SNX25: variants seen among roughly 807,000 people sequenced by gnomAD.
The protein encoded by SNX25 is sorting nexin-25.
SNX25 carries 62 observed loss-of-function variants against 113.7 expected under a neutral mutation model. That is an observed-to-expected ratio of 0.55 (90% CI 0.44 to 0.67). SNX25 has a LOEUF of 0.67. Ranked by LOEUF, SNX25 falls within the 30% of genes least tolerant of loss-of-function variation. SNX25 has a pLI of 0.00. For synonymous variants in SNX25, 421 were observed against 436.2 expected (o/e 0.97, Z 0.43); for missense variants, 1,014 against 1,161.0 (o/e 0.87, Z 1.84).
intron 12 of SNX25, among the ~76,000 whole-genome samples, chr4:185,346,117 C>T (rs1159698190): frequency 6.6e-6 from 1 of 152,218 alleles, no homozygotes. Flanking sequence ...CCTTGGCCTC[C>T]CAAAGTGTTG....
At chr4:185,253,942 A>C (rs1434822899) in intron 2 of SNX25, among the ~76,000 whole-genome samples, 2 of 152,256 alleles carry the variant, frequency 1.3e-5, no homozygotes, top group Non-Finnish European at 2.9e-5. Context: ...AGTATAACAG[A>C]AATTTTATGG....
At chr4:185,360,801 C>G (rs901273462) in intron 16 of SNX25, among the ~76,000 whole-genome samples, 1 of 152,004 alleles carries the variant, frequency 6.6e-6, no homozygotes, top group Non-Finnish European at 1.5e-5. Flanking sequence ...CGCCTGTAGT[C>G]CCAGATACTC....
chr4:185,374,340 C>T (rs765318312), downstream of SNX25: 10 of 1,613,904 alleles, frequency 6.2e-6, no homozygotes, highest in South Asian at 3.3e-5. Flanking sequence ...CTCATTTGAT[C>T]GTTTAACACC....
the SNX25 span, chr4:185,378,160 G>A: frequency 6.2e-7 from 1 of 1,613,978 alleles, no homozygotes. Flanking sequence ...AGGGGTTCTT[G>A]GGCAACTTTT....
exon 1 of SNX25, chr4:185,204,239 G>T (rs952914142): frequency 6.6e-6 from 1 of 152,268 alleles, no homozygotes; most frequent in South Asian, 2.1e-4. Flanking sequence ...CGTTACTGCT[G>T]CTCCCGGCTG....
At position 185,332,614 on chromosome 4, in the gene SNX25, G is replaced by A. The variant is rs772446753; in HGVS notation, c.1769G>A (p.Gly590Asp). ...CCCTAGGGCCCAAGAGATGAGGCTG[G>A]TGAGGAAGCCGTGGATGATGGTACC... ...KDEMGPRDEA[G>D]EEAVDDGTNQ... is the part of the protein sequence containing the mutation. The change falls in exon 10 of 19, where the codon GGT becomes GAT. Residue 590 changes from glycine (G) to aspartate (D), a missense_variant. Coordinates refer to ENST00000652585, the MANE Select transcript of SNX25 (RefSeq NM_001378034.2). 23 of 1,613,476 alleles carry A rather than the reference G, an allele frequency of 1.4e-5. 1 individual carries two copies. The Admixed American group carries it at 2.7e-4, about 19-fold the overall frequency.
chr4:185,320,069 G>A (rs943126737), intron 7 of SNX25, among the ~76,000 whole-genome samples: 1 of 152,182 alleles, frequency 6.6e-6, no homozygotes, highest in African/African-American at 2.4e-5. Context: ...ACAGTATGAC[G>A]ATTCCTTGAG....
intron 6 of SNX25, among the ~76,000 whole-genome samples, chr4:185,291,243 T>C (rs1331584892): frequency 6.6e-6 from 1 of 152,202 alleles, no homozygotes; most frequent in African/African-American, 2.4e-5. Context: ...CATTTTTAAG[T>C]GTACAGTTCT....
At chr4:185,250,504 T>C (rs750957319) in intron 2 of SNX25, among the ~76,000 whole-genome samples, 2 of 152,256 alleles carry the variant, frequency 1.3e-5, no homozygotes, top group Non-Finnish European at 2.9e-5. Flanking sequence ...TTTCCTGATA[T>C]ATTAAAATAA....
At chr4:185,327,208 A>G (rs1332113707) in intron 9 of SNX25, among the ~76,000 whole-genome samples, 2 of 152,324 alleles carry the variant, frequency 1.3e-5, no homozygotes, top group South Asian at 2.1e-4. Context: ...TTAATTATGT[A>G]CTAGGTGGAG....
At chr4:185,214,010 C>G (rs1738365910) in intron 1 of SNX25, among the ~76,000 whole-genome samples, 1 of 151,494 alleles carries the variant, frequency 6.6e-6, no homozygotes, top group Non-Finnish European at 1.5e-5. Flanking sequence ...CGTGATGTAA[C>G]CGAGTACCCC....
At chr4:185,271,271 C>T (rs1314659156) in intron 5 of SNX25, among the ~76,000 whole-genome samples, 1 of 152,176 alleles carries the variant, frequency 6.6e-6, no homozygotes, top group East Asian at 1.9e-4. Context: ...TCGAGCTTGA[C>T]AGGTGACTAG....
At chr4:185,318,913 C>T (rs1189627080) in intron 7 of SNX25, among the ~76,000 whole-genome samples, 2 of 152,102 alleles carry the variant, frequency 1.3e-5, no homozygotes, top group Non-Finnish European at 1.5e-5. Flanking sequence ...GCAGAAGCTA[C>T]AGATAGAAGG....
downstream of SNX25, chr4:185,372,884 A>G: frequency 6.2e-7 from 1 of 1,609,294 alleles, no homozygotes; most frequent in Non-Finnish European, 8.5e-7. Flanking sequence ...CACTTTGTAA[A>G]AAATTTCATC....
In SNX25 at chr4:185,289,668, G is replaced by A. The variant is rs1288657663; in HGVS notation, c.1162+1586G>A. Reference sequence around the variant, plus strand: ...ATCTGATGAATTCCTGCAAGAGTGTGGACTCTGTTCCTCTCCTTTTTATCA... The same window carrying A: ...ATCTGATGAATTCCTGCAAGAGTGTAGACTCTGTTCCTCTCCTTTTTATCA... On this transcript the variant is annotated intron_variant, in intron 6 of 18. Transcript: ENST00000652585. 3.3e-5 allele frequency among the ~76,000 whole-genome samples: 5 copies of A among 152,114 alleles called. No individual in the cohort carries two copies. The East Asian group carries it at 7.7e-4, about 23-fold the overall frequency.
intron 1 of SNX25, among the ~76,000 whole-genome samples, chr4:185,235,793 G>A: frequency 6.6e-6 from 1 of 152,192 alleles, no homozygotes; most frequent in East Asian, 1.9e-4. Flanking sequence ...CAGCTGTTTG[G>A]GAGGCTGAGG....
chr4:185,244,560 A>T (rs1412083042), intron 1 of SNX25, among the ~76,000 whole-genome samples: 1 of 152,232 alleles, frequency 6.6e-6, no homozygotes, highest in Non-Finnish European at 1.5e-5. Context: ...TTAAATTTCA[A>T]TAAAATCTAG....
At chr4:185,336,158 A>C (rs2095228681) in intron 10 of SNX25, among the ~76,000 whole-genome samples, 1 of 152,156 alleles carries the variant, frequency 6.6e-6, no homozygotes, top group Non-Finnish European at 1.5e-5. Context: ...TTACCATTTT[A>C]GCTACTTCTA....
At chr4:185,294,312 C>T (rs1157953036) in intron 6 of SNX25, among the ~76,000 whole-genome samples, 2 of 152,170 alleles carry the variant, frequency 1.3e-5, no homozygotes, top group African/African-American at 2.4e-5. Context: ...AGCACAGGGA[C>T]TTGGGGGCCT....
Sources: allele counts gnomAD v4.1 joint callset (sites outside exome capture counted in the v4.1 genomes callset), GRCh38; gene constraint gnomAD v4.1.1; transcripts MANE v1.5; gene names NCBI Gene and HGNC (gene_info 2026-07-23, HGNC 2026-07-21).